Variants in ACMSD observed in about 807,000 individuals in gnomAD.
ACMSD encodes 2-amino-3-carboxymuconate-6-semialdehyde decarboxylase.
A neutral mutation model predicts 45.9 loss-of-function variants in ACMSD; 37 were observed. That is an observed-to-expected ratio of 0.81 (90% CI 0.62 to 1.06). The LOEUF is 1.06. ACMSD is among the 50% of genes least tolerant of loss of function. The pLI, the probability that ACMSD is intolerant of heterozygous loss-of-function variation, is 0.00. For synonymous variants in ACMSD, 138 were observed against 148.8 expected (o/e 0.93, Z 0.53); for missense variants, 434 against 420.9 (o/e 1.03, Z -0.27).
rs1689153661 is a variant in ACMSD, at chr2:134,883,396, T to A, written c.849+10755T>A. On this transcript the variant is annotated intron_variant, in intron 8 of 9. Transcript: ENST00000356140. ...TTAATGGAAATGGAATCAACAGTCATCCAAGGCCATATCATATGACTCCTT... is the reference window on the plus strand; with the variant it reads ...TTAATGGAAATGGAATCAACAGTCAACCAAGGCCATATCATATGACTCCTT... Among the ~76,000 whole-genome samples the A allele has an allele frequency of 2.6e-5, 4 of 152,178 alleles. 1 individual carries two copies. The South Asian group carries it at 8.3e-4, about 32-fold the overall frequency.
intron 2 of ACMSD, among the ~76,000 whole-genome samples, chr2:134,855,111 A>G (rs1465927655): frequency 2.0e-5 from 3 of 151,852 alleles, no homozygotes; most frequent in African/African-American, 4.8e-5. Context: ...CCTATATCCT[A>G]TTTGTGCAAT....
At chr2:134,867,756 G>A (rs1269629190) in intron 6 of ACMSD, 84 bp downstream of exon 6, 2 of 1,103,042 alleles carry the variant, frequency 1.8e-6, no homozygotes, top group Non-Finnish European at 2.7e-6. Flanking sequence ...TGTCAAATAG[G>A]GAAAGTATGA....
At chr2:134,872,727 A>G in intron 8 of ACMSD, 86 bp downstream of exon 8, 1 of 1,487,802 alleles carries the variant, frequency 6.7e-7, no homozygotes, top group Non-Finnish European at 9.3e-7. Flanking sequence ...CCTCTCTCCA[A>G]AAAAGGGATG....
rs945142343 is a variant in ACMSD at position 134,845,297 on chromosome 2, T to A, written c.102+20T>A. The A allele has an allele frequency of 6.2e-7, 1 of 1,613,936 alleles. No homozygotes were observed. Among genetic ancestry groups the A allele is most frequent in the African/African-American group, 1.3e-5 (1 of 74,906 alleles). Reference sequence around the variant, plus strand: ...AGCAAGGTGAGTTTCTTCCAAAGTATGAACATCAGTAGCACTCAGGGAGAG... The same window carrying A: ...AGCAAGGTGAGTTTCTTCCAAAGTAAGAACATCAGTAGCACTCAGGGAGAG... On this transcript the variant is annotated intron_variant, in intron 2 of 9. Transcript: ENST00000356140.
intron 8 of ACMSD, among the ~76,000 whole-genome samples, chr2:134,876,353 TAAG>T (rs1369124508): frequency 1.3e-5 from 2 of 152,212 alleles, no homozygotes; most frequent in Non-Finnish European, 2.9e-5. Context: ...TAGCTTAAAA[TAAG>T]AACACACTAT....
chr2:134,859,148 T>C (rs1687729889), intron 2 of ACMSD, 113 bp from the exon 3 acceptor site: 1 of 834,834 alleles, frequency 1.2e-6, no homozygotes, highest in African/African-American at 1.7e-5. Context: ...CCACAAGGAT[T>C]AAGTAAAAAT....
At chr2:134,855,989 T>C (rs1210838629) in intron 2 of ACMSD, among the ~76,000 whole-genome samples, 1 of 152,180 alleles carries the variant, frequency 6.6e-6, no homozygotes, top group African/African-American at 2.4e-5. Flanking sequence ...AAAGGTAACC[T>C]TGAGGCCCTG....
intron 2 of ACMSD, among the ~76,000 whole-genome samples, chr2:134,847,663 T>C (rs1023462879): frequency 2.0e-5 from 3 of 152,066 alleles, no homozygotes; most frequent in Non-Finnish European, 2.9e-5. Flanking sequence ...CCTGTGTCCA[T>C]GTGTTCTCAT....
intron 2 of ACMSD, 67 bp from the exon 3 acceptor site, chr2:134,859,194 C>A: frequency 2.4e-6 from 3 of 1,267,284 alleles, no homozygotes; most frequent in Non-Finnish European, 2.3e-6. Context: ...CGTTCTAAAG[C>A]ACATGAGGAA....
intron 2 of ACMSD, among the ~76,000 whole-genome samples, chr2:134,851,838 GT>G (rs1313652948): frequency 6.6e-6 from 1 of 152,098 alleles, no homozygotes; most frequent in Non-Finnish European, 1.5e-5. Context: ...TCTCATTGTG[GT>G]TTTGATTTGC....
intron 2 of ACMSD, among the ~76,000 whole-genome samples, chr2:134,846,227 T>C (rs1942052): frequency 0.22 from 32,719 of 152,078 alleles, 4,004 homozygotes; most frequent in Middle Eastern, 0.58. Flanking sequence ...AGCACTCAGC[T>C]ACCAGCATTT....
intron 5 of ACMSD, among the ~76,000 whole-genome samples, chr2:134,865,601 T>A (rs1157248837): frequency 1.3e-5 from 2 of 152,160 alleles, no homozygotes; most frequent in Admixed American, 6.5e-5. Flanking sequence ...AGCATATTTG[T>A]TTGGTTAGCA....
intron 2 of ACMSD, among the ~76,000 whole-genome samples, 153 bp from the exon 3 acceptor site, chr2:134,859,108 T>C (rs547064186): frequency 1.3e-5 from 2 of 151,794 alleles, no homozygotes; most frequent in South Asian, 2.1e-4. Context: ...GAAAGAAAGC[T>C]GATTTTTGTT....
intron 1 of ACMSD, among the ~76,000 whole-genome samples, chr2:134,841,823 CT>C (rs1686818776): frequency 1.3e-5 from 2 of 152,332 alleles, no homozygotes; most frequent in South Asian, 4.1e-4. Flanking sequence ...AAATCATATA[CT>C]TACACCTTCT....
At chr2:134,859,109 G>T in intron 2 of ACMSD, 152 bp from the exon 3 acceptor site, 1 of 691,678 alleles carries the variant, frequency 1.4e-6, no homozygotes. Context: ...AAAGAAAGCT[G>T]ATTTTTGTTA....
intron 8 of ACMSD, among the ~76,000 whole-genome samples, chr2:134,889,519 G>A (rs1278229050): frequency 6.6e-6 from 1 of 151,786 alleles, no homozygotes; most frequent in Non-Finnish European, 1.5e-5. Context: ...TTGTCCAACA[G>A]GTCAAAAATA....
At chr2:134,874,905 T>C (rs1167492936) in intron 8 of ACMSD, among the ~76,000 whole-genome samples, 1 of 152,182 alleles carries the variant, frequency 6.6e-6, no homozygotes, top group Non-Finnish European at 1.5e-5. Context: ...CTAAAGTTAG[T>C]AAACTAAGAA....
chr2:134,871,952 C>A (rs1265892036), intron 7 of ACMSD, among the ~76,000 whole-genome samples: 1 of 136,836 alleles, frequency 7.3e-6, no homozygotes, highest in Admixed American at 8.5e-5. Context: ...TACACACTTG[C>A]CTTCACTCTT....
intron 3 of ACMSD, 26 bp downstream of exon 3, chr2:134,859,383 T>C: frequency 6.2e-7 from 1 of 1,604,356 alleles, no homozygotes; most frequent in Non-Finnish European, 8.5e-7. Context: ...CTACCAATGT[T>C]AGCATCTGAT....
Sources: gnomAD v4.1 joint callset for allele counts (sites outside exome capture counted in the v4.1 genomes callset) on GRCh38, gnomAD v4.1.1 for gene constraint, MANE v1.5 for transcripts, NCBI Gene and HGNC (gene_info 2026-07-23, HGNC 2026-07-21) for gene names.